Variants in ZNF99 observed in about 807,000 individuals in gnomAD.
The protein encoded by ZNF99 is zinc finger protein 99.
Under a neutral mutation model 12.8 loss-of-function variants are expected in ZNF99, and 8 were observed. That is an observed-to-expected ratio of 0.62 (90% CI 0.37 to 1.13). The LOEUF is 1.13. Ranked by LOEUF, ZNF99 falls within the 50% of genes most tolerant of loss-of-function variation. The probability of loss-of-function intolerance (pLI) is 0.02; values close to 1 mark genes in which losing one functional copy is unlikely to be tolerated. For synonymous variants in ZNF99, 318 were observed against 319.0 expected (o/e 1.00, Z 0.03); for missense variants, 1,007 against 1,006.2 (o/e 1.00, Z -0.01).
At chr19:22,777,466 C>T (rs1455665456) in intron 1 of ZNF99, among the ~76,000 whole-genome samples, 2 of 152,112 alleles carry the variant, frequency 1.3e-5, no homozygotes, top group Admixed American at 1.3e-4. Flanking sequence ...ATAATCTGCA[C>T]ACCAACTCCC....
Position 22,784,073 on chromosome 19 carries a change from G to A in ZNF99, c.-57C>T, listed in dbSNP as rs1453565324. 14 of 1,604,834 alleles carry A rather than the reference G, an allele frequency of 8.7e-6. No homozygotes were observed. Among genetic ancestry groups the A allele is most frequent in the Non-Finnish European group, 9.4e-6 (11 of 1,172,964 alleles). On this transcript the variant is annotated 5_prime_UTR_variant, in exon 1 of 4. Transcript: ENST00000596209. ...GCTGTGGATCTCCAAATACCTACAG[G>A]TCACAGGGCCACAGAGGCTAAGGAC...
Position 22,756,784 on chromosome 19 carries a change from C to T in ZNF99, c.*530G>A, listed in dbSNP as rs773957124. 2.5e-6 allele frequency: 4 copies of T among 1,611,138 alleles called. No homozygotes were observed. Among genetic ancestry groups the T allele is most frequent in the South Asian group, 2.2e-5 (2 of 90,978 alleles). ...GTTAAAAGCTTTGCCACATTCTTCA[C>T]ATTTGTAGGGTTTCTTTCCAGTATA... is the stretch of plus-strand genomic sequence containing the variant. On this transcript the variant is annotated 3_prime_UTR_variant, in exon 4 of 4. Transcript: ENST00000596209.
In ZNF99 at chr19:22,757,405, T is replaced by G. The variant is rs1204876223; in HGVS notation, c.2504A>C (p.His835Pro). 6.2e-7 allele frequency: 1 copy of G among 1,608,770 alleles called. No individual in the cohort carries two copies. The highest frequency in any genetic ancestry group is 2.2e-5 in the East Asian group (1 of 44,678). Residue 835 changes from histidine to proline, a missense_variant, in exon 4 of 4, where the codon CAT becomes CCT. Coordinates refer to ENST00000596209, the MANE Select transcript of ZNF99 (RefSeq NM_001080409.3). Reference protein sequence around the residue: ...AFQWSSKLTLHKVIHMERNPA... With the variant: ...AFQWSSKLTLPKVIHMERNPA... ...GTTTCTCTCCATATGAATTACCTTA[T>G]GTAAAGTAAGTTTTGAGGACCACTG...
At chr19:22,776,268 T>C (rs1973324941) in intron 1 of ZNF99, among the ~76,000 whole-genome samples, 1 of 150,012 alleles carries the variant, frequency 6.7e-6, no homozygotes. Flanking sequence ...GGAGAATCAC[T>C]TGAACCCAGG....
chr19:22,767,854 G>A (rs1054682648), intron 3 of ZNF99, among the ~76,000 whole-genome samples: 17 of 152,122 alleles, frequency 1.1e-4, no homozygotes, highest in African/African-American at 2.7e-4. Flanking sequence ...AGTATATGCC[G>A]GTATCTGTTT....
Position 22,758,139 on chromosome 19 carries a change from C to G in ZNF99, c.1770G>C (p.Glu590Asp). Residue 590 changes from glutamate (E) to aspartate (D), a missense_variant, in exon 4 of 4, where the codon GAG becomes GAC. Physicochemically the swap from Glu to Asp is conservative, Grantham distance 45. Coordinates refer to ENST00000596209, the MANE Select transcript of ZNF99 (RefSeq NM_001080409.3). ...LTRHKAIHTG[E>D]KPYKCEECGK... is the part of the protein sequence containing the mutation. Reference sequence around the variant, plus strand: ...CACATTCTTCACATTTGTAGGGTTTCTCCCCAGTATGAATTGCTTTATGTC... The same window carrying G: ...CACATTCTTCACATTTGTAGGGTTTGTCCCCAGTATGAATTGCTTTATGTC... 6.2e-7 allele frequency: 1 copy of G among 1,613,570 alleles called. No individual in the cohort carries two copies. Among genetic ancestry groups the G allele is most frequent in the Non-Finnish European group, 8.5e-7 (1 of 1,179,700 alleles).
At chr19:22,762,230 T>C (rs1367380632) in intron 3 of ZNF99, among the ~76,000 whole-genome samples, 3 of 151,906 alleles carry the variant, frequency 2.0e-5, no homozygotes, top group Non-Finnish European at 4.4e-5. Flanking sequence ...ATAAATACAA[T>C]TGATAGACCA....
At chr19:22,773,966 TG>T (rs1253356135) in intron 1 of ZNF99, 1 of 152,738 alleles carries the variant, frequency 6.5e-6, no homozygotes, top group African/African-American at 2.4e-5. Flanking sequence ...TTATTTACAA[TG>T]GTGACATGGA....
chr19:22,765,237 A>G (rs1973191273), intron 3 of ZNF99, among the ~76,000 whole-genome samples: 1 of 152,210 alleles, frequency 6.6e-6, no homozygotes, highest in South Asian at 2.1e-4. Flanking sequence ...TCAGAAATGG[A>G]AAACCAAACA....
In ZNF99 at chr19:22,756,489, A is replaced by C; in HGVS notation, c.*825T>G. On this transcript the variant is annotated 3_prime_UTR_variant, in exon 4 of 4. Transcript: ENST00000596209. ...TTCCAGTATGAATTATCCTATGTTTAGTAAGGCGTGAGAAATGGCTAAAAG... is the reference window on the plus strand; with the variant it reads ...TTCCAGTATGAATTATCCTATGTTTCGTAAGGCGTGAGAAATGGCTAAAAG... 1 of 1,593,680 alleles carries C rather than the reference A, an allele frequency of 6.3e-7. No individual in the cohort carries two copies. The highest frequency in any genetic ancestry group is 8.5e-7 in the Non-Finnish European group (1 of 1,172,846).
At chr19:22,771,871 C>A (rs1312320260) in intron 1 of ZNF99, among the ~76,000 whole-genome samples, 1 of 142,924 alleles carries the variant, frequency 7.0e-6, no homozygotes, top group Non-Finnish European at 1.5e-5. Flanking sequence ...GCGTGTGCCA[C>A]CACGCCCGGC....
chr19:22,755,500 C>T lies in ZNF99; in HGVS notation c.*1814G>A. The T allele has an allele frequency of 3.4e-6, 1 of 294,522 alleles. No individual in the cohort carries two copies. The highest frequency in any genetic ancestry group is 3.7e-5 in the South Asian group (1 of 26,750). 18.2% of individuals were successfully genotyped at this position (294,522 alleles called of 1,614,324 possible). On this transcript the variant is annotated 3_prime_UTR_variant, in exon 4 of 4. Transcript: ENST00000596209. ...TCTTATATTCAGTAAGATCTGAGAA[C>T]CCGTTAGAAGCTTTGCCACATTCTT...
At position 22,758,807 on chromosome 19, in the gene ZNF99, G is replaced by C. The variant is rs902512046; in HGVS notation, c.1102C>G (p.Pro368Ala). ...TTGCCGCATTCTTCATATTTGTAGG[G>C]TTTCTCTTCAGTATGAATTATCTCA... Reference protein sequence around the residue: ...KHEIIHTEEKPYKYEECGKAF... With the variant: ...KHEIIHTEEKAYKYEECGKAF... The change falls in exon 4 of 4, where the codon CCC (proline) becomes GCC (alanine). Residue 368 changes from proline to alanine, a missense_variant. Transcript: ENST00000596209. 1.9e-6 allele frequency: 3 copies of C among 1,603,560 alleles called. No individual in the cohort carries two copies. Among genetic ancestry groups the C allele is most frequent in the African/African-American group, 2.7e-5 (2 of 73,886 alleles).
intron 1 of ZNF99, among the ~76,000 whole-genome samples, chr19:22,774,612 G>A (rs1973305667): frequency 6.6e-6 from 1 of 152,222 alleles, no homozygotes; most frequent in African/African-American, 2.4e-5. Context: ...GCTCACATCT[G>A]TAATCCCAGC....
Position 22,757,841 on chromosome 19 carries a change from A to C in ZNF99, c.2068T>G (p.Ser690Ala). Residue 690 changes from serine (S) to alanine (A), a missense_variant, in exon 4 of 4, where the codon TCA becomes GCA. Ser to Ala is a moderately conservative substitution (Grantham distance 99). Coordinates refer to ENST00000596209, the MANE Select transcript of ZNF99 (RefSeq NM_001080409.3). ...EECGKAFNHFSALRKHKIIHT... is the reference protein window; with the variant it reads ...EECGKAFNHFAALRKHKIIHT... ...ATTATCTTATGTTTCCTAAGGGCTGAGAAATGGTTAAAAGCCTTGCCACAT... is the reference window on the plus strand; with the variant it reads ...ATTATCTTATGTTTCCTAAGGGCTGCGAAATGGTTAAAAGCCTTGCCACAT... 1 of 1,611,632 alleles carries C rather than the reference A, an allele frequency of 6.2e-7. No individual in the cohort carries two copies. The highest frequency in any genetic ancestry group is 8.5e-7 in the Non-Finnish European group (1 of 1,178,648).
rs373751080 is a variant in ZNF99, at chr19:22,754,239, C to A, written c.*3075G>T. On this transcript the variant is annotated 3_prime_UTR_variant, in exon 4 of 4. Coordinates refer to ENST00000596209, the MANE Select transcript of ZNF99 (RefSeq NM_001080409.3). ...AAAATTAGCTGGGCGTGGTGGCAGG[C>A]GCCTGCAATCCCAGCTGCTTGGGAG... The A allele has an allele frequency of 2.3e-6, 1 of 438,976 alleles. No homozygotes were observed. Among genetic ancestry groups the A allele is most frequent in the African/African-American group, 2.0e-5 (1 of 49,226 alleles). The allele number at this position is 438,976 out of a possible 1,614,324, so 27.2% of individuals were successfully genotyped here. A position where few individuals can be genotyped will look rare whatever the true frequency, so the allele number is the denominator to read the frequency against.
chr19:22,773,880 A>G (rs2145155639), intron 1 of ZNF99: 1 of 152,358 alleles, frequency 6.6e-6, no homozygotes, highest in South Asian at 2.1e-4. Flanking sequence ...GCTGCAGGAG[A>G]AAAGCCTGCA....
chr19:22,783,560 C>A (rs1333200028), intron 1 of ZNF99, among the ~76,000 whole-genome samples: 1 of 152,140 alleles, frequency 6.6e-6, no homozygotes, highest in Non-Finnish European at 1.5e-5. Context: ...GGGTGCTCTG[C>A]CATTTTTGAA....
chr19:22,776,609 T>C (rs1318033916), intron 1 of ZNF99, among the ~76,000 whole-genome samples: 3 of 151,616 alleles, frequency 2.0e-5, no homozygotes, highest in South Asian at 2.1e-4. Flanking sequence ...GAAAAGCGTA[T>C]GCGCTGCTGC....
Sources: gnomAD v4.1 joint callset for allele counts (sites outside exome capture counted in the v4.1 genomes callset) on GRCh38, gnomAD v4.1.1 for gene constraint, MANE v1.5 for transcripts, NCBI Gene and HGNC (gene_info 2026-07-23, HGNC 2026-07-21) for gene names.